The following GRIN3A variants were observed in gnomAD, a reference collection of about 807,000 sequenced individuals.
GRIN3A encodes the protein glutamate receptor ionotropic, NMDA 3A.
A neutral mutation model predicts 92.4 loss-of-function variants in GRIN3A; 47 were observed. The observed-to-expected ratio is 0.51, with a 90% CI of 0.40 to 0.65. The LOEUF is 0.65. GRIN3A is among the 30% of genes least tolerant of loss of function. The probability of loss-of-function intolerance (pLI) is 0.00; values close to 1 mark genes in which losing one functional copy is unlikely to be tolerated. For synonymous variants in GRIN3A, 527 were observed against 540.6 expected, an observed-to-expected ratio of 0.97 and a Z score of 0.35; for missense variants, 1,324 against 1,393.1, an observed-to-expected ratio of 0.95 and a Z score of 0.79.
At chr9:101,685,338 C>T (rs1829519305) in intron 2 of GRIN3A, among the ~76,000 whole-genome samples, 1 of 127,224 alleles carries the variant, frequency 7.9e-6, no homozygotes. Context: ...GAGACGGAGT[C>T]TCGCTGTGTT....
chr9:101,672,332 T>C (rs1225271187), intron 2 of GRIN3A, among the ~76,000 whole-genome samples: 1 of 152,214 alleles, frequency 6.6e-6, no homozygotes, highest in Non-Finnish European at 1.5e-5. Flanking sequence ...TCTGACTTAA[T>C]GTCATTCAAG....
intron 2 of GRIN3A, among the ~76,000 whole-genome samples, chr9:101,684,166 G>C (rs1312875337): frequency 1.4e-5 from 2 of 147,914 alleles, no homozygotes; most frequent in African/African-American, 2.5e-5. Flanking sequence ...GCAGTGGCAC[G>C]ATCTCGGCTC....
rs529608258 is a variant in GRIN3A at position 101,735,589 on chromosome 9, C to A, written c.699+1692G>T. Among the ~76,000 whole-genome samples the A allele has an allele frequency of 7.9e-5, 12 of 151,978 alleles. 1 individual carries two copies. The highest frequency in any genetic ancestry group is 1.5e-4 in the Non-Finnish European group (10 of 67,898). On this transcript the variant is annotated intron_variant, in intron 1 of 8. Transcript: ENST00000361820. Reference sequence around the variant, plus strand: ...CTTAAGACTCTTGCCAAACAATCTACAAATGAAAAGGAGTCTGGAGACTGT... The same window carrying A: ...CTTAAGACTCTTGCCAAACAATCTAAAAATGAAAAGGAGTCTGGAGACTGT...
At chr9:101,630,902 T>C (rs1828701725) in intron 3 of GRIN3A, among the ~76,000 whole-genome samples, 1 of 152,228 alleles carries the variant, frequency 6.6e-6, no homozygotes, top group Non-Finnish European at 1.5e-5. Flanking sequence ...GTAGTCTATA[T>C]CTGTTTGTCA....
intron 6 of GRIN3A, among the ~76,000 whole-genome samples, chr9:101,612,705 C>T (rs893330851): frequency 6.6e-6 from 1 of 152,070 alleles, no homozygotes; most frequent in African/African-American, 2.4e-5. Context: ...CAATTTTAAT[C>T]ATCCAATTTC....
chr9:101,644,685 G>A (rs1414582538), intron 3 of GRIN3A, among the ~76,000 whole-genome samples: 1 of 127,756 alleles, frequency 7.8e-6, no homozygotes, highest in Non-Finnish European at 1.6e-5. Flanking sequence ...AAACTCAAAC[G>A]GAAGTTTTAT....
intron 7 of GRIN3A, 65 bp downstream of exon 7, chr9:101,579,131 G>A: frequency 6.5e-7 from 1 of 1,540,156 alleles, no homozygotes; most frequent in Non-Finnish European, 9.0e-7. Flanking sequence ...TAGGGCTCTG[G>A]ATCCTCCCAT....
chr9:101,720,934 C>T (rs912179475), intron 1 of GRIN3A, among the ~76,000 whole-genome samples: 6 of 152,090 alleles, frequency 3.9e-5, no homozygotes, highest in African/African-American at 1.4e-4. Context: ...ATCTGTACAA[C>T]AGACTCCTGT....
chr9:101,731,255 G>A (rs748097327), intron 1 of GRIN3A, among the ~76,000 whole-genome samples: 77 of 152,208 alleles, frequency 5.1e-4, no homozygotes, highest in African/African-American at 1.7e-3. Flanking sequence ...ACAAATAGAC[G>A]AAGTTAAGAA....
intron 6 of GRIN3A, among the ~76,000 whole-genome samples, chr9:101,613,172 A>T (rs180723110): frequency 3.3e-4 from 50 of 152,360 alleles, no homozygotes; most frequent in African/African-American, 1.1e-3. Context: ...ATAGCATCAC[A>T]TTTAAATCTA....
In GRIN3A at chr9:101,613,103, C is replaced by T. The variant is rs140027949; in HGVS notation, c.2766+273G>A. Among the ~76,000 whole-genome samples the T allele has an allele frequency of 2.2e-3, 339 of 152,306 alleles. 1 individual carries two copies. The highest frequency in any genetic ancestry group is 3.5e-3 in the Non-Finnish European group (237 of 68,032). On this transcript the variant is annotated intron_variant, in intron 6 of 8. Transcript: ENST00000361820. The stretch of plus-strand genomic sequence containing the variant: ...GCTGTAATTCAGAACAGCATTTCTT[C>T]TGCACTTGTGGATAGAGGTTATGGG...
chr9:101,630,379 TA>T (rs1013153554), intron 3 of GRIN3A, among the ~76,000 whole-genome samples: 6 of 152,324 alleles, frequency 3.9e-5, no homozygotes, highest in African/African-American at 1.4e-4. Context: ...CTTGTACATA[TA>T]AAATATGTAG....
At position 101,738,012 on chromosome 9, in the gene GRIN3A, T is replaced by G. The variant is rs1321601641; in HGVS notation, c.-33A>C. Reference sequence around the variant, plus strand: ...ACCCGCAGGGAGAAAGCGCGCCCCCTCCTGCGCCCGGCTCGCCCCTCTGCA... The same window carrying G: ...ACCCGCAGGGAGAAAGCGCGCCCCCGCCTGCGCCCGGCTCGCCCCTCTGCA... On this transcript the variant is annotated 5_prime_UTR_variant, in exon 1 of 9. Transcript: ENST00000361820. 4 of 1,503,746 alleles carry G rather than the reference T, an allele frequency of 2.7e-6. No individual in the cohort carries two copies. Among genetic ancestry groups the G allele is most frequent in the Admixed American group, 2.0e-5 (1 of 50,952 alleles). 93.2% of individuals were successfully genotyped at this position (1,503,746 alleles called of 1,614,324 possible).
intron 5 of GRIN3A, 120 bp from the exon 6 acceptor site, chr9:101,613,647 A>G (rs1828401233): frequency 1.1e-6 from 1 of 916,292 alleles, no homozygotes; most frequent in African/African-American, 1.6e-5. Flanking sequence ...AGTTTTCATC[A>G]ACTTTCTTTC....
intron 1 of GRIN3A, among the ~76,000 whole-genome samples, chr9:101,719,733 G>A (rs561679464): frequency 6.6e-6 from 1 of 152,320 alleles, no homozygotes; most frequent in South Asian, 2.1e-4. Context: ...AATGAAGTAA[G>A]CTTCATAGGT....
chr9:101,625,612 A>G (rs1414072788), intron 4 of GRIN3A, among the ~76,000 whole-genome samples: 2 of 152,210 alleles, frequency 1.3e-5, no homozygotes, highest in East Asian at 3.8e-4. Context: ...TTTAAGTTAC[A>G]ATGAGGCCCA....
In GRIN3A at chr9:101,634,731, A is replaced by T. The variant is rs547626950; in HGVS notation, c.2353-6330T>A. Among the ~76,000 whole-genome samples, 7 of 152,280 alleles carry T rather than the reference A, an allele frequency of 4.6e-5. No homozygotes were observed. The South Asian group carries it at 1.4e-3, about 32-fold the overall frequency. ...CTAATATATACCTATCCAACTAATA[A>T]ATACCAATTAATATATACCTATTTG... is the stretch of plus-strand genomic sequence containing the variant. On this transcript the variant is annotated intron_variant, in intron 3 of 8. Coordinates refer to ENST00000361820, the MANE Select transcript of GRIN3A (RefSeq NM_133445.3).
At position 101,633,679 on chromosome 9, in the gene GRIN3A, A is replaced by T. The variant is rs140480818; in HGVS notation, c.2353-5278T>A. Among the ~76,000 whole-genome samples, 198 of 152,292 alleles carry T rather than the reference A, an allele frequency of 1.3e-3. 1 individual carries two copies. Among genetic ancestry groups the T allele is most frequent in the African/African-American group, 4.5e-3 (185 of 41,558 alleles). The stretch of plus-strand genomic sequence containing the variant: ...CAAATGTGAGAGATCTAGGTTGCAC[A>T]TCCCTTACAAGAATCTAATGATAAA... On this transcript the variant is annotated intron_variant, in intron 3 of 8. Coordinates refer to ENST00000361820, the MANE Select transcript of GRIN3A (RefSeq NM_133445.3).
chr9:101,709,774 C>G (rs1829857012), intron 1 of GRIN3A, among the ~76,000 whole-genome samples: 1 of 152,102 alleles, frequency 6.6e-6, no homozygotes, highest in African/African-American at 2.4e-5. Flanking sequence ...TTTTATTACA[C>G]AAGTACAAAA....
Sources: allele counts gnomAD v4.1 joint callset (sites outside exome capture counted in the v4.1 genomes callset), GRCh38; gene constraint gnomAD v4.1.1; transcripts MANE v1.5; gene names NCBI Gene and HGNC (gene_info 2026-07-23, HGNC 2026-07-21).